The following FIGN variants were observed in gnomAD, a reference collection of about 807,000 sequenced individuals.
FIGN encodes the protein fidgetin.
FIGN carries 11 observed loss-of-function variants against 51.3 expected under a neutral mutation model. That is an observed-to-expected ratio of 0.21 (90% CI 0.13 to 0.35). The LOEUF (loss-of-function observed/expected upper bound fraction) is 0.35. FIGN is among the 10% of genes least tolerant of loss of function. FIGN has a pLI of 1.00. For missense variants in FIGN, 857 were observed against 943.6 expected (o/e 0.91, Z 1.20); for synonymous variants, 407 against 363.2 (o/e 1.12, Z -1.37).
Position 163,714,488 on chromosome 2 carries a change from A to G in FIGN, c.25+20415T>C, listed in dbSNP as rs114518815. Among the ~76,000 whole-genome samples, 1,443 of 152,298 alleles carry G rather than the reference A, an allele frequency of 9.5e-3. 29 individuals carry two copies. The highest frequency in any genetic ancestry group is 0.033 in the African/African-American group (1,374 of 41,558). On this transcript the variant is annotated intron_variant, in intron 2 of 2. Transcript: ENST00000333129. ...CAATGAGCATATGTCCATGAATTCCACTATTACCCTAACTAACCTGTTCAG... is the reference window on the plus strand; with the variant it reads ...CAATGAGCATATGTCCATGAATTCCGCTATTACCCTAACTAACCTGTTCAG...
chr2:163,610,468 T>C lies in FIGN; in HGVS notation c.1364A>G (p.His455Arg). Residue 455 changes from histidine (H) to arginine (R), a missense_variant, in exon 3 of 3, where the codon CAC becomes CGC. Physicochemically the swap from His to Arg is conservative, Grantham distance 29 (BLOSUM62 0). Around this residue, in one of 3 missense-constraint regions of FIGN, gnomAD observed 799 missense variants for 849.5 expected, o/e 0.94. Coordinates refer to ENST00000333129, the MANE Select transcript of FIGN (RefSeq NM_018086.4). The part of the protein sequence containing the change: ...PGLRAATSSN[H>R]SVDEQLKNTD... The stretch of plus-strand genomic sequence containing the variant: ...ATTCTTCAGTTGCTCGTCCACAGAG[T>C]GGTTGGATGAGGTAGCTGCACGGAG... 1 of 1,613,696 alleles carries C rather than the reference T, an allele frequency of 6.2e-7. No individual in the cohort carries two copies. Among genetic ancestry groups the C allele is most frequent in the Non-Finnish European group, 8.5e-7 (1 of 1,179,946 alleles).
intron 2 of FIGN, among the ~76,000 whole-genome samples, chr2:163,701,326 C>T (rs1350657363): frequency 6.6e-6 from 1 of 152,114 alleles, no homozygotes; most frequent in African/African-American, 2.4e-5. Flanking sequence ...AGCAGCTACC[C>T]AAAGGTAAGA....
chr2:163,723,193 AAAT>A (rs1285477716), intron 2 of FIGN, among the ~76,000 whole-genome samples: 2 of 151,338 alleles, frequency 1.3e-5, no homozygotes, highest in Admixed American at 6.6e-5. Context: ...TCCGTCTCAA[AAAT>A]AATAATAATA....
At chr2:163,641,603 T>C (rs1683306712) in intron 2 of FIGN, among the ~76,000 whole-genome samples, 1 of 152,176 alleles carries the variant, frequency 6.6e-6, no homozygotes, top group Admixed American at 6.5e-5. Flanking sequence ...AAAATTCACA[T>C]ACTGGAATAT....
chr2:163,639,267 A>T (rs1683271523), intron 2 of FIGN, among the ~76,000 whole-genome samples: 1 of 152,116 alleles, frequency 6.6e-6, no homozygotes, highest in South Asian at 2.1e-4. Flanking sequence ...AAAATTTTTC[A>T]TACTTAAAAA....
At chr2:163,660,117 AC>A (rs1683627249) in intron 2 of FIGN, among the ~76,000 whole-genome samples, 2 of 152,020 alleles carry the variant, frequency 1.3e-5, no homozygotes, top group South Asian at 4.1e-4. Flanking sequence ...ATAAAAAAAA[AC>A]AAAAAATAAA....
chr2:163,684,910 G>A (rs1057426416), intron 2 of FIGN, among the ~76,000 whole-genome samples: 1 of 151,142 alleles, frequency 6.6e-6, no homozygotes, highest in African/African-American at 2.4e-5. Context: ...GAGTAGCTGG[G>A]ATTAAGGCGG....
At chr2:163,721,700 C>T in intron 2 of FIGN, among the ~76,000 whole-genome samples, 1 of 152,118 alleles carries the variant, frequency 6.6e-6, no homozygotes, top group Non-Finnish European at 1.5e-5. Flanking sequence ...TGACATCAAC[C>T]TAGATTTCAA....
At chr2:163,703,837 C>G (rs1303044359) in intron 2 of FIGN, among the ~76,000 whole-genome samples, 1 of 152,084 alleles carries the variant, frequency 6.6e-6, no homozygotes, top group African/African-American at 2.4e-5. Context: ...ACAAAAGAAT[C>G]TCCATCCTTC....
intron 2 of FIGN, among the ~76,000 whole-genome samples, chr2:163,656,086 T>C (rs975622187): frequency 1.3e-5 from 2 of 152,180 alleles, no homozygotes; most frequent in East Asian, 1.9e-4. Flanking sequence ...ACATAACTAG[T>C]GTTAACAACC....
intron 2 of FIGN, among the ~76,000 whole-genome samples, chr2:163,676,698 C>G (rs1683975876): frequency 1.3e-5 from 2 of 151,792 alleles, no homozygotes; most frequent in Non-Finnish European, 2.9e-5. Flanking sequence ...TTAAGTTTGT[C>G]TTAAAACTCA....
intron 2 of FIGN, among the ~76,000 whole-genome samples, chr2:163,632,981 A>C (rs915166446): frequency 5.3e-5 from 8 of 152,096 alleles, no homozygotes; most frequent in Non-Finnish European, 7.4e-5. Flanking sequence ...GCTGGAGCCC[A>C]GAAGTTGGAG....
intron 2 of FIGN, among the ~76,000 whole-genome samples, chr2:163,648,527 G>C (rs1559008015): frequency 6.6e-6 from 1 of 152,146 alleles, no homozygotes; most frequent in Non-Finnish European, 1.5e-5. Flanking sequence ...GCATTTGCCT[G>C]TGTCTGTAAA....
intron 2 of FIGN, among the ~76,000 whole-genome samples, chr2:163,720,430 C>G (rs1420764765): frequency 6.6e-6 from 1 of 152,134 alleles, no homozygotes; most frequent in Non-Finnish European, 1.5e-5. Flanking sequence ...AGTTTCTATT[C>G]TAATCAAAAG....
chr2:163,645,553 C>A (rs1683370118), intron 2 of FIGN, among the ~76,000 whole-genome samples: 1 of 152,124 alleles, frequency 6.6e-6, no homozygotes, highest in Non-Finnish European at 1.5e-5. Flanking sequence ...AACTCTCACG[C>A]CCAGGCCACA....
chr2:163,633,015 CA>C (rs576483120), intron 2 of FIGN, among the ~76,000 whole-genome samples: 9 of 149,606 alleles, frequency 6.0e-5, no homozygotes, highest in African/African-American at 2.0e-4. Context: ...ACATAGCTAC[CA>C]AAAAAAAACC....
chr2:163,655,069 T>A (rs1683538142), intron 2 of FIGN, among the ~76,000 whole-genome samples: 1 of 152,158 alleles, frequency 6.6e-6, no homozygotes, highest in South Asian at 2.1e-4. Context: ...TGTGTGTGCA[T>A]GCATACATGT....
chr2:163,700,917 T>C (rs879873175), intron 2 of FIGN, among the ~76,000 whole-genome samples: 3 of 152,140 alleles, frequency 2.0e-5, no homozygotes, highest in Non-Finnish European at 2.9e-5. Context: ...TTAATAGACA[T>C]ATATCAAGTC....
chr2:163,660,785 ATATATG>A (rs1274778874), intron 2 of FIGN, among the ~76,000 whole-genome samples: 1 of 107,944 alleles, frequency 9.3e-6, no homozygotes, highest in Non-Finnish European at 1.9e-5. Context: ...ACATATACAT[ATATATG>A]TATATAGATA....
Sources: allele counts gnomAD v4.1 joint callset (sites outside exome capture counted in the v4.1 genomes callset), GRCh38; gene constraint gnomAD v4.1.1; regional missense constraint gnomAD v4.1.1; transcripts MANE v1.5; gene names NCBI Gene and HGNC (gene_info 2026-07-23, HGNC 2026-07-21).